Variants in ARF4 observed in about 807,000 individuals in gnomAD.
ARF4 encodes the protein ADP-ribosylation factor 4.
In ARF4, 5 loss-of-function variants were observed where a neutral mutation model predicts 24.3. The observed-to-expected ratio is 0.21, with a 90% CI of 0.11 to 0.43. The LOEUF is 0.43. Ranked by LOEUF, ARF4 falls within the 20% of genes least tolerant of loss-of-function variation. ARF4 has a pLI of 1.00. For synonymous variants in ARF4, 62 were observed against 73.5 expected (o/e 0.84, Z 0.80); for missense variants, 107 against 213.0 (o/e 0.50, Z 3.10).
intron 1 of ARF4, among the ~76,000 whole-genome samples, chr3:57,590,720 C>A (rs2070102829): frequency 6.6e-6 from 1 of 151,838 alleles, no homozygotes; most frequent in Admixed American, 6.6e-5. Context: ...GATCTGTCAC[C>A]CAGCCTGGAG....
chr3:57,588,306 TG>T (rs1204056345), intron 1 of ARF4, among the ~76,000 whole-genome samples: 2 of 152,226 alleles, frequency 1.3e-5, no homozygotes, highest in Non-Finnish European at 2.9e-5. Context: ...CACTCACACC[TG>T]TAATCCTAGC....
At chr3:57,577,957 G>A (rs2069926498) in intron 3 of ARF4, among the ~76,000 whole-genome samples, 1 of 152,030 alleles carries the variant, frequency 6.6e-6, no homozygotes, top group African/African-American at 2.4e-5. Context: ...TGGGAGATGA[G>A]GTGGGAGGAA....
rs2069845696 is a variant in ARF4 at position 57,571,784 on chromosome 3, T to TGGCA, written c.*424_*427dup. On this transcript the variant is annotated 3_prime_UTR_variant, in exon 6 of 6. Transcript: ENST00000303436. ...TACAAGCAGTATTAGAAAATCTTTT[T>TGGCA]GGCAAGGGAGAGAAATAAATACAAA... 6.1e-6 allele frequency: 1 copy of TGGCA among 165,092 alleles called. No homozygotes were observed. Among genetic ancestry groups the TGGCA allele is most frequent in the Non-Finnish European group, 1.3e-5 (1 of 75,696 alleles). The allele number at this position is 165,092 out of a possible 1,614,324, so 10.2% of individuals were successfully genotyped here.
At chr3:57,577,257 A>C (rs2153408527) in intron 4 of ARF4, 59 bp downstream of exon 4, 1 of 1,381,998 alleles carries the variant, frequency 7.2e-7, no homozygotes, top group East Asian at 2.3e-5. Flanking sequence ...CTAAACCACC[A>C]CCAGTTTAAT....
intron 1 of ARF4, 82 bp downstream of exon 1, chr3:57,596,992 A>T (rs2070197142): frequency 2.1e-6 from 1 of 467,850 alleles, no homozygotes; most frequent in Non-Finnish European, 3.0e-6. Flanking sequence ...CGGGCGGAGG[A>T]AAAAAACAGG....
Position 57,597,112 on chromosome 3 carries a change from G to A in ARF4, c.29C>T (p.Ser10Phe), listed in dbSNP as rs922610512. 6.2e-7 allele frequency: 1 copy of A among 1,614,164 alleles called. No individual in the cohort carries two copies. The highest frequency in any genetic ancestry group is 2.2e-5 in the East Asian group (1 of 44,882). The change falls in exon 1 of 6, where the codon TCC (serine) becomes TTC (phenylalanine). Residue 10 changes from serine (S) to phenylalanine (F), a missense_variant. Coordinates refer to ENST00000303436, the MANE Select transcript of ARF4 (RefSeq NM_001660.4). Reference protein sequence around the residue: MGLTISSLFSRLFGKKQMRI... With the variant: MGLTISSLFFRLFGKKQMRI... Reference sequence around the variant, plus strand: ...CATCTGCTTCTTGCCAAATAGTCGGGAGAAGAGGGAGGAGATAGTGAGGCC... The same window carrying A: ...CATCTGCTTCTTGCCAAATAGTCGGAAGAAGAGGGAGGAGATAGTGAGGCC...
At chr3:57,594,829 G>A (rs1358155184) in intron 1 of ARF4, among the ~76,000 whole-genome samples, 3 of 152,168 alleles carry the variant, frequency 2.0e-5, no homozygotes, top group Non-Finnish European at 4.4e-5. Context: ...TTTGCTGTCA[G>A]TCACTCATAA....
chr3:57,572,931 G>A (rs901717679), intron 5 of ARF4, among the ~76,000 whole-genome samples: 2 of 152,094 alleles, frequency 1.3e-5, no homozygotes, highest in Admixed American at 6.6e-5. Flanking sequence ...GGCCGGGCGT[G>A]GTGGCTCACA....
At chr3:57,585,145 T>A (rs1311331416) in intron 1 of ARF4, among the ~76,000 whole-genome samples, 1 of 152,144 alleles carries the variant, frequency 6.6e-6, no homozygotes, top group Non-Finnish European at 1.5e-5. Context: ...ATTACAAGCG[T>A]GAGCCACCGT....
At chr3:57,590,125 AAAT>A (rs2070092489) in intron 1 of ARF4, among the ~76,000 whole-genome samples, 8 of 147,186 alleles carry the variant, frequency 5.4e-5, no homozygotes, top group Admixed American at 5.4e-4. Flanking sequence ...ATAAATAAAT[AAAT>A]AAATAAAACA....
At chr3:57,581,168 A>G (rs957032978) in intron 3 of ARF4, among the ~76,000 whole-genome samples, 3 of 152,222 alleles carry the variant, frequency 2.0e-5, no homozygotes, top group Admixed American at 6.5e-5. Context: ...GTTTGTTAGT[A>G]TAAGTTAGAA....
chr3:57,582,713 TAA>T (rs72049024), intron 3 of ARF4, among the ~76,000 whole-genome samples: 24,680 of 151,782 alleles, frequency 0.16, 2,652 homozygotes, highest in East Asian at 0.48. Flanking sequence ...TTGCAAGTCT[TAA>T]AAATATAAAG....
chr3:57,593,755 A>G (rs902390361), intron 1 of ARF4, among the ~76,000 whole-genome samples: 1 of 152,160 alleles, frequency 6.6e-6, no homozygotes, highest in Non-Finnish European at 1.5e-5. Flanking sequence ...AGGACAATGC[A>G]GCCAGGCTCA....
At chr3:57,578,724 C>A (rs150416724) in intron 3 of ARF4, among the ~76,000 whole-genome samples, 6 of 152,048 alleles carry the variant, frequency 3.9e-5, no homozygotes, top group Admixed American at 6.6e-5. Flanking sequence ...AGTGATCCAC[C>A]CATCTTGGCC....
At chr3:57,584,495 A>G (rs1340156842) in intron 1 of ARF4, 31 bp from the exon 2 acceptor site, 3 of 1,557,312 alleles carry the variant, frequency 1.9e-6, no homozygotes, top group South Asian at 1.1e-5. Flanking sequence ...TTTAAAATCC[A>G]GACCAAAAGC....
At chr3:57,581,787 C>G (rs1226840809) in intron 3 of ARF4, among the ~76,000 whole-genome samples, 1 of 151,968 alleles carries the variant, frequency 6.6e-6, no homozygotes, top group Non-Finnish European at 1.5e-5. Context: ...ACGAGAACTC[C>G]ATCTCAAAAA....
At chr3:57,587,187 C>T (rs1350830896) in intron 1 of ARF4, among the ~76,000 whole-genome samples, 1 of 151,958 alleles carries the variant, frequency 6.6e-6, no homozygotes, top group Non-Finnish European at 1.5e-5. Context: ...GATGTGGTGG[C>T]ATATGCCTAT....
At chr3:57,582,934 G>A (rs1484303780) in intron 3 of ARF4, among the ~76,000 whole-genome samples, 2 of 152,204 alleles carry the variant, frequency 1.3e-5, no homozygotes, top group South Asian at 4.1e-4. Context: ...TCTCAGCAGG[G>A]AGCAATTTTG....
chr3:57,575,474 T>A (rs2069892429), intron 5 of ARF4, 74 bp downstream of exon 5: 1 of 1,417,482 alleles, frequency 7.1e-7, no homozygotes, highest in Non-Finnish European at 9.4e-7. Flanking sequence ...ATGTTTAAAC[T>A]GAATATTAGC....
Sources: gnomAD v4.1 joint callset for allele counts (sites outside exome capture counted in the v4.1 genomes callset) on GRCh38, gnomAD v4.1.1 for gene constraint, MANE v1.5 for transcripts, NCBI Gene and HGNC (gene_info 2026-07-23, HGNC 2026-07-21) for gene names.